Variants in GALNT18 observed in about 807,000 individuals in gnomAD.
GALNT18 encodes the protein GalNAc-transferase 18.
GALNT18 carries 44 observed loss-of-function variants against 69.5 expected under a neutral mutation model. The ratio of observed to expected loss-of-function variants is 0.63; its 90% CI spans 0.50 to 0.81. The LOEUF (loss-of-function observed/expected upper bound fraction) is 0.81, where lower values mean the gene tolerates loss of function less well. Ranked by LOEUF, GALNT18 falls within the 40% of genes least tolerant of loss-of-function variation. The pLI, the probability that GALNT18 is intolerant of heterozygous loss-of-function variation, is 0.00. For missense variants in GALNT18, 715 were observed against 810.0 expected, an observed-to-expected ratio of 0.88 and a Z score of 1.42; for synonymous variants, 364 against 318.2, an observed-to-expected ratio of 1.14 and a Z score of -1.53.
In GALNT18 at chr11:11,497,321, G is replaced by T. The variant is rs1590053099; in HGVS notation, c.236-48385C>A. Among the ~76,000 whole-genome samples, 1 of 64,634 alleles carries T rather than the reference G, an allele frequency of 1.5e-5. No individual in the cohort carries two copies. The highest frequency in any genetic ancestry group is 6.8e-5 in the African/African-American group (1 of 14,672). The allele number at this position is 64,634 out of a possible 152,430, so 42.4% of individuals were successfully genotyped here. ...ACTTATTATTTATGTTTTACCTCCT[G>T]TCTCCAACACACACACACACACACA... On this transcript the variant is annotated intron_variant, in intron 1 of 10. Coordinates refer to ENST00000227756, the MANE Select transcript of GALNT18 (RefSeq NM_198516.3). The surrounding 1 kb of genome is among the most constrained non-coding windows in gnomAD (Gnocchi z 4.2).
At chr11:11,303,577 G>C (rs1001154700) in intron 9 of GALNT18, among the ~76,000 whole-genome samples, 2 of 151,874 alleles carry the variant, frequency 1.3e-5, no homozygotes, top group Non-Finnish European at 2.9e-5. Flanking sequence ...GCCCAAGCCT[G>C]TCACTGTACT....
rs1047851574 is a variant in GALNT18 at position 11,317,206 on chromosome 11, T to C, written c.1512+9880A>G. Reference sequence around the variant, plus strand: ...TGATTAGTTACCCTCTGCTTTCTCCTATCCAAGGCCTTCTCTGAGACCTGG... The same window carrying C: ...TGATTAGTTACCCTCTGCTTTCTCCCATCCAAGGCCTTCTCTGAGACCTGG... On this transcript the variant is annotated intron_variant, in intron 9 of 10. Transcript: ENST00000227756. 2.5e-4 allele frequency among the ~76,000 whole-genome samples: 38 copies of C among 152,352 alleles called. 1 individual carries two copies. The highest frequency in any genetic ancestry group is 3.4e-3 in the Middle Eastern group (1 of 294).
rs552467707 is a variant in GALNT18 at position 11,338,102 on chromosome 11, G to A, written c.1278+2717C>T. On this transcript the variant is annotated intron_variant, in intron 7 of 10. Transcript: ENST00000227756. This position sits in a 1 kb window ranked among gnomAD's most constrained non-coding sequence, Gnocchi z 5.3. ...CTTGCCTCAGCCTCCTGAGTAGCTG[G>A]GATTACAGGCATGTGCCACCAAGCC... is the stretch of plus-strand genomic sequence containing the variant. Among the ~76,000 whole-genome samples the A allele has an allele frequency of 6.6e-6, 1 of 151,954 alleles. No homozygotes were observed. The highest frequency in any genetic ancestry group is 2.1e-4 in the South Asian group (1 of 4,810).
At chr11:11,293,483 A>G (rs1564883603) in intron 9 of GALNT18, among the ~76,000 whole-genome samples, 1 of 149,916 alleles carries the variant, frequency 6.7e-6, no homozygotes, top group Non-Finnish European at 1.5e-5. Context: ...ATTGGAAAAC[A>G]TTGGTCATAA....
At position 11,591,770 on chromosome 11, in the gene GALNT18, A is replaced by C. The variant is rs1416858909; in HGVS notation, c.235+29589T>G. Reference sequence around the variant, plus strand: ...ACAGATGTGCTCCCATACCCTTTGAAGGGACAAAAATACACACATTATCAG... The same window carrying C: ...ACAGATGTGCTCCCATACCCTTTGACGGGACAAAAATACACACATTATCAG... On this transcript the variant is annotated intron_variant, in intron 1 of 10. Coordinates refer to ENST00000227756, the MANE Select transcript of GALNT18 (RefSeq NM_198516.3). This position sits in a 1 kb window ranked among gnomAD's most constrained non-coding sequence, Gnocchi z 4.8. 6.6e-6 allele frequency among the ~76,000 whole-genome samples: 1 copy of C among 152,222 alleles called. No individual in the cohort carries two copies. Among genetic ancestry groups the C allele is most frequent in the Non-Finnish European group, 1.5e-5 (1 of 68,026 alleles).
At chr11:11,336,484 C>T (rs1850116594) in intron 7 of GALNT18, among the ~76,000 whole-genome samples, 1 of 152,126 alleles carries the variant, frequency 6.6e-6, no homozygotes, top group South Asian at 2.1e-4. Context: ...GCGCTGTGTG[C>T]CAAGCACTGA....
At chr11:11,610,328 G>A (rs1230172316) in intron 1 of GALNT18, among the ~76,000 whole-genome samples, 1 of 152,184 alleles carries the variant, frequency 6.6e-6, no homozygotes, top group Admixed American at 6.5e-5. Context: ...GCTGAACCTG[G>A]GATAAGCTCA....
chr11:11,576,867 C>G (rs1590112699), intron 1 of GALNT18, among the ~76,000 whole-genome samples: 1 of 152,226 alleles, frequency 6.6e-6, no homozygotes, highest in East Asian at 1.9e-4. Context: ...GCCTGAGGGC[C>G]AGTTTCATGG....
intron 10 of GALNT18, among the ~76,000 whole-genome samples, chr11:11,286,492 CTT>C (rs58774538): frequency 0.013 from 1,905 of 150,676 alleles, 43 homozygotes; most frequent in African/African-American, 0.043. Flanking sequence ...TGTTAGATGA[CTT>C]TTTTTTTTCT....
chr11:11,618,169 A>G lies in GALNT18; in HGVS notation c.235+3190T>C, dbSNP rs576390037. Among the ~76,000 whole-genome samples the G allele has an allele frequency of 3.7e-4, 57 of 152,352 alleles. No homozygotes were observed. Among genetic ancestry groups the G allele is most frequent in the African/African-American group, 1.3e-3 (56 of 41,590 alleles). ...AAAGCCTCTTCTAATTGCAAGTCCT[A>G]TGGAACATCCTGCAGAACATTTTGT... On this transcript the variant is annotated intron_variant, in intron 1 of 10. Transcript: ENST00000227756. This position sits in a 1 kb window ranked among gnomAD's most constrained non-coding sequence, Gnocchi z 6.1.
At chr11:11,424,925 C>G (rs1855093275) in intron 3 of GALNT18, among the ~76,000 whole-genome samples, 1 of 152,090 alleles carries the variant, frequency 6.6e-6, no homozygotes, top group South Asian at 2.1e-4. Flanking sequence ...ATAGTGCAGA[C>G]AAGCAGGAAG....
At chr11:11,290,084 T>C (rs1005147048) in intron 10 of GALNT18, among the ~76,000 whole-genome samples, 5 of 152,128 alleles carry the variant, frequency 3.3e-5, no homozygotes, top group Admixed American at 6.5e-5. Flanking sequence ...CTGCTCATCC[T>C]CCTCCTGCAG....
rs766315510 is a variant in GALNT18 at position 11,469,243 on chromosome 11, C to T, written c.236-20307G>A. On this transcript the variant is annotated intron_variant, in intron 1 of 10. Transcript: ENST00000227756. The surrounding 1 kb of genome is among the most constrained non-coding windows in gnomAD (Gnocchi z 4.2). ...AATGTCTCAGACAGTGCAGAACTAA[C>T]GAAGGCCCCAAACCATGGTACCAGA... is the stretch of plus-strand genomic sequence containing the variant. 4.6e-5 allele frequency among the ~76,000 whole-genome samples: 7 copies of T among 152,320 alleles called. No homozygotes were observed. Among genetic ancestry groups the T allele is most frequent in the Middle Eastern group, 3.4e-3 (1 of 294 alleles).
Position 11,356,977 on chromosome 11 carries a change from T to A in GALNT18, c.1092+15538A>T, listed in dbSNP as rs577951639. ...AAAGAGTCACTCCACGGCTGGCTGGTGTGCTAGGGGATAACACGCAATAGC... is the reference window on the plus strand; with the variant it reads ...AAAGAGTCACTCCACGGCTGGCTGGAGTGCTAGGGGATAACACGCAATAGC... On this transcript the variant is annotated intron_variant, in intron 6 of 10. Coordinates refer to ENST00000227756, the MANE Select transcript of GALNT18 (RefSeq NM_198516.3). This position sits in a 1 kb window ranked among gnomAD's most constrained non-coding sequence, Gnocchi z 4.4. Among the ~76,000 whole-genome samples, 5 of 152,322 alleles carry A rather than the reference T, an allele frequency of 3.3e-5. No individual in the cohort carries two copies. The East Asian group carries it at 9.6e-4, about 29-fold the overall frequency.
chr11:11,315,985 C>T lies in GALNT18; in HGVS notation c.1512+11101G>A, dbSNP rs1305405145. On this transcript the variant is annotated intron_variant, in intron 9 of 10. Transcript: ENST00000227756. This position sits in a 1 kb window ranked among gnomAD's most constrained non-coding sequence, Gnocchi z 5.6. ...CACTCTGTACTGACATGAATGGTGG[C>T]CCCTGGAACCGTGCGAGGTGACAGC... Among the ~76,000 whole-genome samples the T allele has an allele frequency of 6.6e-6, 1 of 152,082 alleles. No homozygotes were observed. The highest frequency in any genetic ancestry group is 1.5e-5 in the Non-Finnish European group (1 of 68,038).
intron 1 of GALNT18, among the ~76,000 whole-genome samples, chr11:11,456,929 G>T (rs1855937166): frequency 6.6e-6 from 1 of 152,206 alleles, no homozygotes; most frequent in Non-Finnish European, 1.5e-5. Context: ...ACAGGTCCAT[G>T]CTAATTCATG....
intron 6 of GALNT18, among the ~76,000 whole-genome samples, chr11:11,364,552 AG>A (rs200526216): frequency 7.1e-6 from 1 of 140,068 alleles, no homozygotes; most frequent in Non-Finnish European, 1.6e-5. Context: ...AAATTACAAG[AG>A]GGGGGGAAAA....
rs1850027032 is a variant in GALNT18 at position 11,332,162 on chromosome 11, T to C, written c.1416+532A>G. Among the ~76,000 whole-genome samples the C allele has an allele frequency of 6.6e-6, 1 of 152,086 alleles. No homozygotes were observed. The highest frequency in any genetic ancestry group is 1.5e-5 in the Non-Finnish European group (1 of 68,004). ...ACTCCAAACCCTATGCTCTGCCCCC[T>C]CCATCTTTCTCCCTCCCATCAGGGA... is the stretch of plus-strand genomic sequence containing the variant. On this transcript the variant is annotated intron_variant, in intron 8 of 10. Coordinates refer to ENST00000227756, the MANE Select transcript of GALNT18 (RefSeq NM_198516.3). This position sits in a 1 kb window ranked among gnomAD's most constrained non-coding sequence, Gnocchi z 4.3.
Position 11,310,481 on chromosome 11 carries a change from C to T in GALNT18, c.1512+16605G>A, listed in dbSNP as rs140681996. 1.1e-3 allele frequency among the ~76,000 whole-genome samples: 172 copies of T among 152,242 alleles called. 1 individual carries two copies. The South Asian group carries it at 0.011, about 10-fold the overall frequency. ...ATGCTGCGGAGATGTAAATCTATTC[C>T]GTAGCCCAGTTGTACAAGAAGCAAG... On this transcript the variant is annotated intron_variant, in intron 9 of 10. Coordinates refer to ENST00000227756, the MANE Select transcript of GALNT18 (RefSeq NM_198516.3).
Sources: allele counts gnomAD v4.1 joint callset (sites outside exome capture counted in the v4.1 genomes callset), GRCh38; gene constraint gnomAD v4.1.1; non-coding constraint Gnocchi (gnomAD v3.1); transcripts MANE v1.5; gene names NCBI Gene and HGNC (gene_info 2026-07-23, HGNC 2026-07-21).